Variants in SNAP25 observed in about 807,000 individuals in gnomAD.
The protein encoded by SNAP25 is synaptosome associated protein 25.
SNAP25 carries 3 observed loss-of-function variants against 28.7 expected under a neutral mutation model. The observed-to-expected ratio is 0.10, with a 90% CI of 0.05 to 0.27. The LOEUF (loss-of-function observed/expected upper bound fraction) is 0.27. Among genes scored for constraint, SNAP25 ranks in the 10% least tolerant of loss-of-function variants. The pLI is 1.00. For missense variants in SNAP25, 117 were observed against 278.7 expected, an observed-to-expected ratio of 0.42 and a Z score of 4.13; for synonymous variants, 61 against 88.1, an observed-to-expected ratio of 0.69 and a Z score of 1.72.
chr20:10,254,027 C>T (rs879353589), intron 1 of SNAP25, among the ~76,000 whole-genome samples: 7 of 152,208 alleles, frequency 4.6e-5, no homozygotes, highest in Admixed American at 2.6e-4. Flanking sequence ...AGTTCTGGGG[C>T]ATTGCTCAGC....
At chr20:10,256,569 C>T (rs1365719545) in intron 1 of SNAP25, among the ~76,000 whole-genome samples, 1 of 152,026 alleles carries the variant, frequency 6.6e-6, no homozygotes, top group Non-Finnish European at 1.5e-5. Flanking sequence ...ACTGATGAGC[C>T]TTTGTTGAAA....
chr20:10,299,099 CA>C (rs2064176738), intron 6 of SNAP25, among the ~76,000 whole-genome samples, 168 bp from the exon 7 acceptor site: 1 of 140,554 alleles, frequency 7.1e-6, no homozygotes, highest in Admixed American at 7.4e-5. Context: ...CAATTTTAAA[CA>C]TTTTTTTTAA....
At chr20:10,281,380 G>T (rs1404307575) in intron 3 of SNAP25, among the ~76,000 whole-genome samples, 1 of 152,146 alleles carries the variant, frequency 6.6e-6, no homozygotes, top group Non-Finnish European at 1.5e-5. Flanking sequence ...AGTTATTTTT[G>T]ATAGAAGCTG....
Position 10,293,375 on chromosome 20 carries a change from A to T in SNAP25, c.281+97A>T. ...TGCCAAGCTCATAGGCAGGATGAGC[A>T]TGTGGCATGCAGAACAGATCAATAC... is the stretch of plus-strand genomic sequence containing the variant. On this transcript the variant is annotated intron_variant, in intron 5 of 7. Coordinates refer to ENST00000254976, the MANE Select transcript of SNAP25 (RefSeq NM_130811.4). This position sits in a 1 kb window ranked among gnomAD's most constrained non-coding sequence, Gnocchi z 5.6. The T allele has an allele frequency of 1.1e-6, 1 of 872,668 alleles. No individual in the cohort carries two copies. Among genetic ancestry groups the T allele is most frequent in the Non-Finnish European group, 1.9e-6 (1 of 519,016 alleles). The allele number at this position is 872,668 out of a possible 1,614,324, so 54.1% of individuals were successfully genotyped here. A position where few individuals can be genotyped will look rare whatever the true frequency, so the allele number is the denominator to read the frequency against.
intron 1 of SNAP25, among the ~76,000 whole-genome samples, chr20:10,241,357 C>T (rs1568581417): frequency 6.6e-6 from 1 of 152,172 alleles, no homozygotes. Context: ...CCGGGTCCAT[C>T]AATATCCCCT....
intron 1 of SNAP25, among the ~76,000 whole-genome samples, chr20:10,227,772 G>A (rs2062759170): frequency 6.6e-6 from 1 of 152,084 alleles, no homozygotes; most frequent in Non-Finnish European, 1.5e-5. Flanking sequence ...TGAATTATAA[G>A]TTTAAATGTT....
chr20:10,285,534 G>A (rs1474140278), intron 4 of SNAP25, among the ~76,000 whole-genome samples: 1 of 152,034 alleles, frequency 6.6e-6, no homozygotes, highest in Non-Finnish European at 1.5e-5. Context: ...ACAGATTTCT[G>A]CAAAGTTTTT....
intron 1 of SNAP25, chr20:10,219,860 G>A (rs933789139): frequency 6.6e-6 from 1 of 152,258 alleles, no homozygotes; most frequent in Non-Finnish European, 1.5e-5. Context: ...CTTCCTCACA[G>A]AGACTCCTTT....
At chr20:10,254,776 G>A (rs1401029425) in intron 1 of SNAP25, among the ~76,000 whole-genome samples, 1 of 152,202 alleles carries the variant, frequency 6.6e-6, no homozygotes, top group Non-Finnish European at 1.5e-5. Context: ...CCAGGGCAAA[G>A]TGCTGGAGAC....
chr20:10,280,910 A>C (rs996393937), intron 3 of SNAP25, among the ~76,000 whole-genome samples: 1 of 152,048 alleles, frequency 6.6e-6, no homozygotes, highest in Admixed American at 6.6e-5. Flanking sequence ...GAAAAAAATC[A>C]GGTTGAGCAG....
chr20:10,293,395 C>A lies in SNAP25; in HGVS notation c.281+117C>A. On this transcript the variant is annotated intron_variant, in intron 5 of 7. Transcript: ENST00000254976. The surrounding 1 kb of genome is among the most constrained non-coding windows in gnomAD (Gnocchi z 5.6). The stretch of plus-strand genomic sequence containing the variant: ...TGAGCATGTGGCATGCAGAACAGAT[C>A]AATACCGTCTCCAATGCATTCATCT... 1.4e-6 allele frequency: 1 copy of A among 720,008 alleles called. No individual in the cohort carries two copies. Among genetic ancestry groups the A allele is most frequent in the South Asian group, 1.7e-5 (1 of 58,586 alleles). The allele number at this position is 720,008 out of a possible 1,614,324, so 44.6% of individuals were successfully genotyped here.
At chr20:10,223,373 A>G (rs1286838840) in intron 1 of SNAP25, among the ~76,000 whole-genome samples, 1 of 152,208 alleles carries the variant, frequency 6.6e-6, no homozygotes, top group Non-Finnish European at 1.5e-5. Flanking sequence ...AGAGGAAGAA[A>G]TGGCAACGGT....
chr20:10,266,822 A>G (rs549485998), intron 1 of SNAP25, among the ~76,000 whole-genome samples: 1 of 152,318 alleles, frequency 6.6e-6, no homozygotes, highest in Admixed American at 6.5e-5. Context: ...ACTGTTGAAG[A>G]CCTGAACACA....
chr20:10,299,263 C>A lies in SNAP25; in HGVS notation c.408-5C>A. The A allele has an allele frequency of 6.2e-7, 1 of 1,613,392 alleles. No homozygotes were observed. On this transcript the variant is annotated splice_region_variant and splice_polypyrimidine_tract_variant and intron_variant, in intron 6 of 7. Transcript: ENST00000254976. ...GTCTTCTAAAACTTGCTCTTTGGATCCCAGGGTAACAAATGATGCCCGAGA... is the reference window on the plus strand; with the variant it reads ...GTCTTCTAAAACTTGCTCTTTGGATACCAGGGTAACAAATGATGCCCGAGA...
chr20:10,243,737 G>T (rs577817996), intron 1 of SNAP25, among the ~76,000 whole-genome samples: 7 of 152,088 alleles, frequency 4.6e-5, no homozygotes, highest in Non-Finnish European at 8.8e-5. Context: ...GTAATATTAC[G>T]CTCCGTTATT....
chr20:10,233,517 A>C (rs1156744251), intron 1 of SNAP25, among the ~76,000 whole-genome samples: 3 of 152,170 alleles, frequency 2.0e-5, no homozygotes, highest in Admixed American at 6.5e-5. Flanking sequence ...CGTTCCATCA[A>C]TCACAAAAAA....
intron 1 of SNAP25, among the ~76,000 whole-genome samples, chr20:10,240,056 C>T (rs1260913922): frequency 2.0e-5 from 3 of 152,234 alleles, no homozygotes; most frequent in South Asian, 4.1e-4. Flanking sequence ...TCTCCCAAGG[C>T]TGCTGTGCAG....
rs761710848 is a variant in SNAP25, at chr20:10,251,314, A to T, written c.-63-24115A>T. 2.6e-5 allele frequency among the ~76,000 whole-genome samples: 4 copies of T among 152,208 alleles called. No homozygotes were observed. In the East Asian group the frequency reaches 7.7e-4, roughly 29 times the overall value. On this transcript the variant is annotated intron_variant, in intron 1 of 7. Coordinates refer to ENST00000254976, the MANE Select transcript of SNAP25 (RefSeq NM_130811.4). Reference sequence around the variant, plus strand: ...GGGGGATAGAGATGACATAGAGGCCAAAGTAGCATGAAGCAAGAAATACTG... The same window carrying T: ...GGGGGATAGAGATGACATAGAGGCCTAAGTAGCATGAAGCAAGAAATACTG...
intron 1 of SNAP25, among the ~76,000 whole-genome samples, chr20:10,235,979 C>T (rs1255296096): frequency 6.6e-6 from 1 of 152,200 alleles, no homozygotes; most frequent in African/African-American, 2.4e-5. Flanking sequence ...AGCACAGAGT[C>T]AGTGTGGAAG....
Sources: allele counts gnomAD v4.1 joint callset (sites outside exome capture counted in the v4.1 genomes callset), GRCh38; gene constraint gnomAD v4.1.1; non-coding constraint Gnocchi (gnomAD v3.1); transcripts MANE v1.5; gene names NCBI Gene and HGNC (gene_info 2026-07-23, HGNC 2026-07-21).